GNA15: variants seen among roughly 807,000 people sequenced by gnomAD.
GNA15 encodes guanine nucleotide-binding protein subunit alpha-15.
GNA15 carries 23 observed loss-of-function variants against 40.1 expected under a neutral mutation model. The observed-to-expected ratio is 0.57, with a 90% CI of 0.41 to 0.81. GNA15 has a LOEUF of 0.81. Ranked by LOEUF, GNA15 falls within the 40% of genes least tolerant of loss-of-function variation. The probability of loss-of-function intolerance (pLI) is 0.00; values close to 1 mark genes in which losing one functional copy is unlikely to be tolerated. For synonymous variants in GNA15, 226 were observed against 210.4 expected (o/e 1.07, Z -0.64); for missense variants, 522 against 515.8 (o/e 1.01, Z -0.12).
chr19:3,148,867 T>TCAGAG, intron 2 of GNA15, 92 bp downstream of exon 2: 3 of 1,200,274 alleles, frequency 2.5e-6, no homozygotes, highest in Non-Finnish European at 3.5e-6. Context: ...TCCCCAGACT[T>TCAGAG]CAGGGCAGGG....
At chr19:3,150,944 T>G (rs1914868225) in intron 3 of GNA15, among the ~76,000 whole-genome samples, 1 of 151,346 alleles carries the variant, frequency 6.6e-6, no homozygotes, top group Non-Finnish European at 1.5e-5. Context: ...TGGGGGATCC[T>G]GTTCTGGCGT....
Position 3,136,144 on chromosome 19 carries a change from C to A in GNA15, c.-307C>A. ...CCCCACCTCACCCTCTCCTGGCACC[C>A]TTCACCGTCAACCTGTCGGGCCGGG... is the stretch of plus-strand genomic sequence containing the variant. On this transcript the variant is annotated 5_prime_UTR_variant, in exon 1 of 7. Transcript: ENST00000262958. This position sits in a 1 kb window ranked among gnomAD's most constrained non-coding sequence, Gnocchi z 4.9. 1 of 257,018 alleles carries A rather than the reference C, an allele frequency of 3.9e-6. No homozygotes were observed. The highest frequency in any genetic ancestry group is 7.5e-6 in the Non-Finnish European group (1 of 134,218). The allele number at this position is 257,018 out of a possible 1,614,324, so 15.9% of individuals were successfully genotyped here.
chr19:3,152,819 G>A (rs1049474045), intron 4 of GNA15, among the ~76,000 whole-genome samples: 3 of 152,046 alleles, frequency 2.0e-5, no homozygotes, highest in African/African-American at 4.8e-5. Context: ...TATTGTTTTG[G>A]CCTCTTCAAT....
chr19:3,144,732 G>T (rs757049029), intron 1 of GNA15, among the ~76,000 whole-genome samples: 9 of 150,394 alleles, frequency 6.0e-5, no homozygotes, highest in East Asian at 2.0e-4. Flanking sequence ...GTTTCACCGT[G>T]TTAGCCAGGA....
chr19:3,136,556 AAG>A lies in GNA15; in HGVS notation c.108_109del (p.Lys37AlafsTer77). On this transcript the variant is annotated frameshift_variant, in exon 1 of 7. Coordinates refer to ENST00000262958, the MANE Select transcript of GNA15 (RefSeq NM_002068.4). LOFTEE classifies it high-confidence loss of function. The surrounding 1 kb of genome is among the most constrained non-coding windows in gnomAD (Gnocchi z 4.9). Reference protein sequence around the residue: ...QEINRILLEQKKQDRGELKLL... With the variant: ...QEINRILLEQXKQDRGELKLL... ...GATCAACAGGATCCTCTTGGAGCAG[AAG>A]AAGCAGGACCGCGGGGAGCTGAAGC... 6.4e-7 allele frequency: 1 copy of A among 1,568,622 alleles called. No individual in the cohort carries two copies. Among genetic ancestry groups the A allele is most frequent in the South Asian group, 1.2e-5 (1 of 85,414 alleles).
intron 1 of GNA15, among the ~76,000 whole-genome samples, chr19:3,142,797 G>T (rs923003284): frequency 5.3e-5 from 8 of 152,114 alleles, no homozygotes; most frequent in African/African-American, 1.9e-4. Flanking sequence ...GCTTGAACCT[G>T]GGAGGAGGAG....
chr19:3,138,423 C>G (rs772171823), intron 1 of GNA15, among the ~76,000 whole-genome samples: 7 of 152,146 alleles, frequency 4.6e-5, no homozygotes, highest in Non-Finnish European at 7.4e-5. Context: ...GGGTTGGGGG[C>G]TGGAGAAGGT....
intron 1 of GNA15, among the ~76,000 whole-genome samples, chr19:3,146,895 A>C (rs1013879948): frequency 3.1e-4 from 40 of 127,014 alleles, no homozygotes; most frequent in African/African-American, 5.3e-4. Context: ...AGCACAACCC[A>C]CCCTCCCCTC....
At chr19:3,156,098 C>T in intron 5 of GNA15, 146 bp downstream of exon 5, 1 of 740,654 alleles carries the variant, frequency 1.4e-6, no homozygotes, top group South Asian at 1.8e-5. Flanking sequence ...ACCCTTCAGC[C>T]TTTTGTGGTC....
Position 3,157,716 on chromosome 19 carries a change from C to T in GNA15, c.745-12C>T, listed in dbSNP as rs1179615892. On this transcript the variant is annotated splice_polypyrimidine_tract_variant and intron_variant, in intron 5 of 6. Coordinates refer to ENST00000262958, the MANE Select transcript of GNA15 (RefSeq NM_002068.4). ...TGGTTGAAGCACTAACCTGCTTCTG[C>T]CCCCAACACAGAACCGCATGAAGGA... 9 of 1,611,322 alleles carry T rather than the reference C, an allele frequency of 5.6e-6. No homozygotes were observed. The highest frequency in any genetic ancestry group is 1.3e-5 in the African/African-American group (1 of 74,984).
intron 6 of GNA15, among the ~76,000 whole-genome samples, chr19:3,161,541 G>A (rs1422367848): frequency 1.3e-5 from 2 of 152,120 alleles, no homozygotes; most frequent in South Asian, 2.1e-4. Context: ...GGAGATAGAC[G>A]TCAAGTTGTT....
intron 3 of GNA15, among the ~76,000 whole-genome samples, chr19:3,150,602 CTG>C (rs1479033140): frequency 1.1e-4 from 16 of 152,074 alleles, no homozygotes; most frequent in African/African-American, 3.6e-4. Flanking sequence ...AGGAGTGACT[CTG>C]TTCCTGAGGG....
intron 2 of GNA15, 40 bp downstream of exon 2, chr19:3,148,815 G>C (rs1326759932): frequency 1.3e-6 from 2 of 1,539,082 alleles, no homozygotes; most frequent in African/African-American, 1.4e-5. Flanking sequence ...GGCAGGCAGG[G>C]GCCCAGGGCA....
intron 1 of GNA15, among the ~76,000 whole-genome samples, chr19:3,147,912 A>AAAAG (rs1300640753): frequency 2.0e-5 from 3 of 151,562 alleles, no homozygotes; most frequent in African/African-American, 7.3e-5. Context: ...AAAGAAGAGA[A>AAAAG]AAAGAAAACA....
In GNA15 at chr19:3,157,790, C is replaced by G; in HGVS notation, c.807C>G (p.Ser269Arg). The change falls in exon 6 of 7, where the codon AGC becomes AGG. Residue 269 changes from serine (S) to arginine (R), a missense_variant. Ser to Arg is a moderately radical substitution (Grantham distance 110). Coordinates refer to ENST00000262958, the MANE Select transcript of GNA15 (RefSeq NM_002068.4). ...TCCTGGAACTACCCTGGTTCAAAAG[C>G]ACATCCGTCATCCTCTTTCTCAACA... ...GTILELPWFKSTSVILFLNKT... is the reference protein window; with the variant it reads ...GTILELPWFKRTSVILFLNKT... The G allele has an allele frequency of 4.3e-6, 7 of 1,613,314 alleles. No homozygotes were observed. The highest frequency in any genetic ancestry group is 5.9e-6 in the Non-Finnish European group (7 of 1,179,212).
At chr19:3,144,181 G>T (rs558923545) in intron 1 of GNA15, among the ~76,000 whole-genome samples, 7 of 150,852 alleles carry the variant, frequency 4.6e-5, no homozygotes, top group African/African-American at 1.7e-4. Flanking sequence ...AGGACAGATG[G>T]TGGGACTCCA....
intron 6 of GNA15, 148 bp downstream of exon 6, chr19:3,158,029 C>T: frequency 1.5e-6 from 1 of 651,144 alleles, no homozygotes; most frequent in South Asian, 1.8e-5. Context: ...CATCCACTGC[C>T]CGACCTCATT....
At chr19:3,161,640 G>T (rs1203735675) in intron 6 of GNA15, among the ~76,000 whole-genome samples, 1 of 152,138 alleles carries the variant, frequency 6.6e-6, no homozygotes, top group African/African-American at 2.4e-5. Context: ...ACAGGATAAG[G>T]TAGATATTTT....
At position 3,155,907 on chromosome 19, in the gene GNA15, C is replaced by T; in HGVS notation, c.699C>T (p.Ala233=). Residue 233 remains alanine (A), a synonymous_variant, in exon 5 of 7, where the codon GCC becomes GCT. Transcript: ENST00000262958. The surrounding 1 kb of genome is among the most constrained non-coding windows in gnomAD (Gnocchi z 5.6). ...FENVIALIYL[A]SLSEYDQCLE... is the part of the protein sequence containing the mutation. ...ACGTGATCGCCCTCATCTACCTGGC[C>T]TCACTGAGTGAATACGACCAGTGCC... The T allele has an allele frequency of 6.2e-7, 1 of 1,613,828 alleles. No homozygotes were observed. Among genetic ancestry groups the T allele is most frequent in the Non-Finnish European group, 8.5e-7 (1 of 1,179,774 alleles).
Sources: gnomAD v4.1 joint callset for allele counts (sites outside exome capture counted in the v4.1 genomes callset) on GRCh38, gnomAD v4.1.1 for gene constraint, Gnocchi (gnomAD v3.1) non-coding constraint, MANE v1.5 for transcripts, NCBI Gene and HGNC (gene_info 2026-07-23, HGNC 2026-07-21) for gene names.